Variants in PRH1 observed in about 807,000 individuals in gnomAD.
PRH1 encodes salivary acidic proline-rich phosphoprotein 1/2.
A neutral mutation model predicts 7.9 loss-of-function variants in PRH1; 7 were observed. That is an observed-to-expected ratio of 0.89 (90% CI 0.50 to 1.67). The LOEUF (loss-of-function observed/expected upper bound fraction) is 1.67. Ranked by LOEUF, PRH1 falls within the 40% of genes most tolerant of loss-of-function variation. PRH1 has a pLI of 0.00. For missense variants in PRH1, 109 were observed against 223.6 expected (o/e 0.49, Z 3.27); for synonymous variants, 45 against 80.8 (o/e 0.56, Z 2.38).
chr12:11,098,454 C>T (rs1437660213), intron 1 of PRH1, among the ~76,000 whole-genome samples: 1 of 152,124 alleles, frequency 6.6e-6, no homozygotes, highest in African/African-American at 2.4e-5. Flanking sequence ...CTGAAATTGA[C>T]TGGAAACCTG....
chr12:10,963,918 A>T (rs536607508), intron 2 of PRH1, among the ~76,000 whole-genome samples: 14 of 152,212 alleles, frequency 9.2e-5, no homozygotes, highest in Non-Finnish European at 1.8e-4. Context: ...CAAAGATAAA[A>T]CTTCATTATT....
chr12:10,903,214 A>G (rs1949748152), intron 2 of PRH1, among the ~76,000 whole-genome samples: 1 of 152,162 alleles, frequency 6.6e-6, no homozygotes, highest in African/African-American at 2.4e-5. Flanking sequence ...CTATTCCTAT[A>G]TAAGATAAAA....
At chr12:11,146,543 G>A (rs1260578639) in intron 1 of PRH1, among the ~76,000 whole-genome samples, 1 of 152,064 alleles carries the variant, frequency 6.6e-6, no homozygotes, top group East Asian at 1.9e-4. Flanking sequence ...ACTAGAGTCA[G>A]ACAGCTAACT....
chr12:10,946,134 GA>G (rs1950483205), intron 2 of PRH1, among the ~76,000 whole-genome samples: 1 of 152,220 alleles, frequency 6.6e-6, no homozygotes, highest in South Asian at 2.1e-4. Flanking sequence ...ATGGGATTAA[GA>G]GATTAACGTA....
At chr12:11,052,828 T>A (rs1384224122) in intron 1 of PRH1, among the ~76,000 whole-genome samples, 1 of 152,164 alleles carries the variant, frequency 6.6e-6, no homozygotes, top group African/African-American at 2.4e-5. Context: ...TTCAGAATAA[T>A]CTTTTATTCT....
chr12:10,944,819 T>C (rs1950460789), intron 2 of PRH1, among the ~76,000 whole-genome samples: 2 of 152,318 alleles, frequency 1.3e-5, no homozygotes, highest in Non-Finnish European at 2.9e-5. Context: ...GAGACAGTCA[T>C]GTGGTTTTTG....
chr12:10,997,304 G>A (rs144156998), intron 1 of PRH1: 20 of 1,613,978 alleles, frequency 1.2e-5, no homozygotes, highest in Non-Finnish European at 1.7e-5. Context: ...AGATATCAGG[G>A]TCAGAGTGAA....
chr12:11,098,563 A>C (rs1231960130), intron 1 of PRH1, among the ~76,000 whole-genome samples: 1 of 152,190 alleles, frequency 6.6e-6, no homozygotes, highest in Non-Finnish European at 1.5e-5. Context: ...TAGCAACTTC[A>C]GTTGTTTGGG....
At chr12:11,019,951 C>G (rs1341988041) in intron 1 of PRH1, among the ~76,000 whole-genome samples, 11 of 152,276 alleles carry the variant, frequency 7.2e-5, no homozygotes, top group Non-Finnish European at 1.5e-5. Flanking sequence ...CTTTAATATG[C>G]TTTTCAAAAA....
intron 1 of PRH1, among the ~76,000 whole-genome samples, chr12:11,144,716 G>A (rs541521349): frequency 1.6e-4 from 25 of 152,312 alleles, no homozygotes; most frequent in African/African-American, 5.8e-4. Flanking sequence ...GGAGTACTAT[G>A]GTGCCAGGCA....
intron 1 of PRH1, among the ~76,000 whole-genome samples, chr12:11,044,074 G>A (rs1223202997): frequency 1.3e-5 from 2 of 152,114 alleles, no homozygotes; most frequent in African/African-American, 2.4e-5. Context: ...AAAACAGCAT[G>A]TTACTGGCAT....
At chr12:10,995,528 G>A (rs1940179133) in intron 1 of PRH1, among the ~76,000 whole-genome samples, 2 of 152,042 alleles carry the variant, frequency 1.3e-5, no homozygotes, top group Admixed American at 1.3e-4. Flanking sequence ...TTTACACCAA[G>A]ATTATAATAA....
intron 2 of PRH1, among the ~76,000 whole-genome samples, chr12:10,940,243 T>C (rs977534664): frequency 6.6e-6 from 1 of 152,166 alleles, no homozygotes; most frequent in African/African-American, 2.4e-5. Context: ...CACAAACGCA[T>C]ACATTTATTT....
At chr12:10,913,478 T>C (rs1565467618) in intron 2 of PRH1, among the ~76,000 whole-genome samples, 1 of 152,122 alleles carries the variant, frequency 6.6e-6, no homozygotes, top group Admixed American at 6.5e-5. Context: ...CTATTTAGTA[T>C]ATATTAAAAT....
chr12:11,135,705 G>T (rs1296650908), intron 1 of PRH1, among the ~76,000 whole-genome samples: 1 of 152,136 alleles, frequency 6.6e-6, no homozygotes, highest in Non-Finnish European at 1.5e-5. Context: ...GCAAAGATTT[G>T]TTCATGTGAG....
chr12:11,123,147 T>C (rs1307608402), intron 1 of PRH1, among the ~76,000 whole-genome samples: 5 of 152,242 alleles, frequency 3.3e-5, no homozygotes, highest in Admixed American at 2.0e-4. Context: ...TTTAATCACA[T>C]GGTTGCATGT....
intron 1 of PRH1, among the ~76,000 whole-genome samples, chr12:11,004,088 A>C (rs536768004): frequency 6.6e-6 from 1 of 152,292 alleles, no homozygotes; most frequent in African/African-American, 2.4e-5. Context: ...ACACTCAGAC[A>C]AAGTAATTGC....
upstream of PRH1, among the ~76,000 whole-genome samples, chr12:10,888,105 T>C (rs1037519050): frequency 3.3e-5 from 5 of 152,178 alleles, no homozygotes; most frequent in Admixed American, 6.5e-5. Flanking sequence ...CCATCTTCAA[T>C]GCCAGCAATA....
intron 2 of PRH1, among the ~76,000 whole-genome samples, chr12:10,948,561 G>T (rs117257306): frequency 0.02 from 3,008 of 152,170 alleles, 34 homozygotes; most frequent in South Asian, 0.032. Flanking sequence ...TCCTTGGATT[G>T]GGTTTTGTCT....
Sources: gnomAD v4.1 joint callset for allele counts (sites outside exome capture counted in the v4.1 genomes callset) on GRCh38, gnomAD v4.1.1 for gene constraint, MANE v1.5 for transcripts, NCBI Gene and HGNC (gene_info 2026-07-23, HGNC 2026-07-21) for gene names.